The following OIP5 variants were observed in gnomAD, a reference collection of about 807,000 sequenced individuals.
OIP5 encodes Opa interacting protein 5.
OIP5 carries 24 observed loss-of-function variants against 20.3 expected under a neutral mutation model. The observed-to-expected ratio is 1.18, with a 90% CI of 0.86 to 1.66. The LOEUF (loss-of-function observed/expected upper bound fraction) is 1.66, where lower values mean the gene tolerates loss of function less well. OIP5 is among the 40% of genes most tolerant of loss of function. The pLI, the probability that OIP5 is intolerant of heterozygous loss-of-function variation, is 0.00. For synonymous variants in OIP5, 143 were observed against 121.3 expected, an observed-to-expected ratio of 1.18 and a Z score of -1.17; for missense variants, 339 against 289.5, an observed-to-expected ratio of 1.17 and a Z score of -1.24.
chr15:41,324,639 G>A (rs1451861824), intron 2 of OIP5, among the ~76,000 whole-genome samples: 5 of 152,040 alleles, frequency 3.3e-5, no homozygotes, highest in South Asian at 2.1e-4. Context: ...ACAGGTGTGC[G>A]CCACCATGCC....
At chr15:41,324,902 A>C (rs2047852265) in intron 2 of OIP5, among the ~76,000 whole-genome samples, 1 of 152,072 alleles carries the variant, frequency 6.6e-6, no homozygotes, top group South Asian at 2.1e-4. Flanking sequence ...TTTTTCTTTC[A>C]CTTGAACACT....
At chr15:41,321,201 G>T (rs1190973102) in intron 2 of OIP5, among the ~76,000 whole-genome samples, 1 of 150,378 alleles carries the variant, frequency 6.6e-6, no homozygotes, top group Non-Finnish European at 1.5e-5. Flanking sequence ...GGAGGGAGGT[G>T]GGGGGGTCAG....
At chr15:41,311,279 GCTT>G (rs1305827828) in intron 4 of OIP5, among the ~76,000 whole-genome samples, 2 of 152,162 alleles carry the variant, frequency 1.3e-5, no homozygotes, top group African/African-American at 4.8e-5. Context: ...TACTCAGGAG[GCTT>G]TTTAGTATTT....
intron 4 of OIP5, among the ~76,000 whole-genome samples, chr15:41,311,401 AG>A (rs529935915): frequency 2.9e-4 from 44 of 152,054 alleles, no homozygotes; most frequent in Non-Finnish European, 2.5e-4. Context: ...AGGCAGAGTG[AG>A]ACTTTGTCTC....
chr15:41,332,507 C>G lies in OIP5; in HGVS notation c.55G>C (p.Asp19His). 1.2e-6 allele frequency: 2 copies of G among 1,613,464 alleles called. No homozygotes were observed. Among genetic ancestry groups the G allele is most frequent in the South Asian group, 2.2e-5 (2 of 91,062 alleles). The change falls in exon 1 of 5, where the codon GAC becomes CAC. Residue 19 changes from aspartate (D) to histidine (H), a missense_variant. Physicochemically the swap from Asp to His is moderately conservative, Grantham distance 81. Coordinates refer to ENST00000220514, the MANE Select transcript of OIP5 (RefSeq NM_007280.2). Reference sequence around the variant, plus strand: ...GCCCTCTCAGTGCCACCACAAAAGTCCCCCCGGGGCGGCGTTGCACAACGT... The same window carrying G: ...GCCCTCTCAGTGCCACCACAAAAGTGCCCCCGGGGCGGCGTTGCACAACGT... The part of the protein sequence containing the change: ...RSRCATPPRG[D>H]FCGGTERAID...
At chr15:41,311,759 A>C (rs1206389515) in intron 4 of OIP5, among the ~76,000 whole-genome samples, 1 of 152,014 alleles carries the variant, frequency 6.6e-6, no homozygotes, top group African/African-American at 2.4e-5. Context: ...GTTTTAGTAG[A>C]GACGGGGTTT....
rs2047744071 is a variant in OIP5, at chr15:41,309,861, A to C, written c.595-12T>G. ...ATCTTCTCTTTCAGCTAGGAAGAGA[A>C]ATATATAGATATCAGGGCATCTTTT... is the stretch of plus-strand genomic sequence containing the variant. On this transcript the variant is annotated splice_polypyrimidine_tract_variant and intron_variant, in intron 4 of 4. Coordinates refer to ENST00000220514, the MANE Select transcript of OIP5 (RefSeq NM_007280.2). 1 of 1,568,026 alleles carries C rather than the reference A, an allele frequency of 6.4e-7. No individual in the cohort carries two copies. Among genetic ancestry groups the C allele is most frequent in the Admixed American group, 1.7e-5 (1 of 58,848 alleles).
At chr15:41,327,957 G>A (rs567925441) in intron 2 of OIP5, among the ~76,000 whole-genome samples, 116 of 151,992 alleles carry the variant, frequency 7.6e-4, no homozygotes, top group African/African-American at 2.7e-3. Flanking sequence ...CAAATTAGCT[G>A]GGCATGGTGG....
Position 41,319,725 on chromosome 15 carries a change from A to G in OIP5, c.445T>C (p.Tyr149His), listed in dbSNP as rs746240999. ...SCGIPVGFHL[Y>H]STHAALAALR... Reference sequence around the variant, plus strand: ...GCAGCCAGGGCAGCATGGGTAGAATACAGATGGAAACCAACGGGAATCCCA... The same window carrying G: ...GCAGCCAGGGCAGCATGGGTAGAATGCAGATGGAAACCAACGGGAATCCCA... The change falls in exon 3 of 5, where the codon TAT becomes CAT. Residue 149 changes from tyrosine to histidine, a missense_variant. Transcript: ENST00000220514. 1 of 1,613,932 alleles carries G rather than the reference A, an allele frequency of 6.2e-7. No individual in the cohort carries two copies. Among genetic ancestry groups the G allele is most frequent in the Admixed American group, 1.7e-5 (1 of 60,008 alleles).
intron 2 of OIP5, among the ~76,000 whole-genome samples, chr15:41,323,009 C>G (rs557910099): frequency 6.6e-5 from 10 of 151,794 alleles, no homozygotes; most frequent in African/African-American, 2.4e-4. Context: ...GAACAAATAA[C>G]AATATATTGA....
At chr15:41,319,635 G>T in intron 3 of OIP5, 23 bp downstream of exon 3, 1 of 1,577,962 alleles carries the variant, frequency 6.3e-7, no homozygotes, top group Non-Finnish European at 8.6e-7. Context: ...TGTATTTGAT[G>T]ATCAATATCT....
At chr15:41,315,545 A>C (rs1253449632) in intron 3 of OIP5, among the ~76,000 whole-genome samples, 1 of 152,118 alleles carries the variant, frequency 6.6e-6, no homozygotes. Context: ...TAATGACTGT[A>C]ATTGCAGCAG....
At chr15:41,319,868 C>A in intron 2 of OIP5, 88 bp from the exon 3 acceptor site, 1 of 1,086,590 alleles carries the variant, frequency 9.2e-7, no homozygotes, top group South Asian at 1.8e-5. Context: ...ATTCCTAACA[C>A]CTAAGTCAGG....
In OIP5 at chr15:41,332,588, G is replaced by A; in HGVS notation, c.-27C>T. ...TTCCCGCAGCCGGCGCCTTCCTTTC[G>A]AATACACGCCAGGCCCCGCCCCAAG... On this transcript the variant is annotated 5_prime_UTR_variant, in exon 1 of 5. Transcript: ENST00000220514. 3 of 1,579,680 alleles carry A rather than the reference G, an allele frequency of 1.9e-6. No individual in the cohort carries two copies. Among genetic ancestry groups the A allele is most frequent in the Non-Finnish European group, 2.6e-6 (3 of 1,163,702 alleles).
At chr15:41,314,454 A>T (rs2140459312) in intron 3 of OIP5, among the ~76,000 whole-genome samples, 1 of 152,060 alleles carries the variant, frequency 6.6e-6, no homozygotes, top group South Asian at 2.1e-4. Flanking sequence ...GCCTACTGTT[A>T]CATATTTGCT....
chr15:41,319,017 T>G (rs569089964), intron 3 of OIP5, among the ~76,000 whole-genome samples: 1 of 152,192 alleles, frequency 6.6e-6, no homozygotes, highest in South Asian at 2.1e-4. Context: ...GCTATCTTTT[T>G]GTCAAAGACA....
intron 2 of OIP5, among the ~76,000 whole-genome samples, chr15:41,320,050 A>G (rs2047813166): frequency 1.3e-5 from 2 of 152,160 alleles, no homozygotes; most frequent in Admixed American, 1.3e-4. Context: ...ATTTACCCCT[A>G]ATAAACACAA....
chr15:41,311,249 TGC>T (rs940265396), intron 4 of OIP5, among the ~76,000 whole-genome samples: 18 of 152,216 alleles, frequency 1.2e-4, no homozygotes, highest in African/African-American at 4.3e-4. Flanking sequence ...GGCACGGTAG[TGC>T]GCGCCTGTAG....
chr15:41,314,217 G>A (rs566013820), intron 3 of OIP5, among the ~76,000 whole-genome samples: 77 of 151,762 alleles, frequency 5.1e-4, no homozygotes, highest in Non-Finnish European at 1.0e-3. Flanking sequence ...TTCTCCTGCC[G>A]CAGCCTCCCG....
Sources: allele counts gnomAD v4.1 joint callset (sites outside exome capture counted in the v4.1 genomes callset), GRCh38; gene constraint gnomAD v4.1.1; transcripts MANE v1.5; gene names NCBI Gene and HGNC (gene_info 2026-07-23, HGNC 2026-07-21).